Variants in SLMAP observed in about 807,000 individuals in gnomAD.
The protein encoded by SLMAP is sarcolemmal membrane-associated protein.
A neutral mutation model predicts 128.8 loss-of-function variants in SLMAP; 44 were observed. The ratio of observed to expected loss-of-function variants is 0.34; its 90% CI spans 0.27 to 0.44. The LOEUF is 0.44. Ranked by LOEUF, SLMAP falls within the 20% of genes least tolerant of loss-of-function variation. SLMAP has a pLI of 1.00. For synonymous variants in SLMAP, 327 were observed against 348.8 expected (o/e 0.94, Z 0.70); for missense variants, 787 against 985.3 (o/e 0.80, Z 2.69).
At chr3:57,906,300 C>CTTTTTTTTTTTTTTTTT (rs112949836) in intron 17 of SLMAP, among the ~76,000 whole-genome samples, 5 of 71,266 alleles carry the variant, frequency 7.0e-5, no homozygotes, top group Admixed American at 1.9e-4. Flanking sequence ...AAATTTTTTT[C>CTTTTTTTTTTTTTTTTT]TTTTTTTTTC....
intron 6 of SLMAP, among the ~76,000 whole-genome samples, chr3:57,853,858 T>C (rs1162728289): frequency 6.8e-6 from 1 of 148,058 alleles, no homozygotes; most frequent in Non-Finnish European, 1.5e-5. Context: ...GGAGAATGAC[T>C]TGGACCCAGG....
At chr3:57,886,508 T>G (rs2095891102) in intron 14 of SLMAP, among the ~76,000 whole-genome samples, 1 of 151,854 alleles carries the variant, frequency 6.6e-6, no homozygotes, top group Non-Finnish European at 1.5e-5. Flanking sequence ...GATACCAGAT[T>G]TTTAAAAACT....
rs557052051 is a variant in SLMAP, at chr3:57,786,894, T to C, written c.198+29045T>C. 7.9e-4 allele frequency among the ~76,000 whole-genome samples: 120 copies of C among 152,110 alleles called. 1 individual carries two copies. The highest frequency in any genetic ancestry group is 2.7e-3 in the African/African-American group (113 of 41,488). ...GACTACAGGCGCCTGCCATCACGCC[T>C]GGCTAATTTTTTGTATTTTTTTAAG... On this transcript the variant is annotated intron_variant, in intron 2 of 24. Coordinates refer to ENST00000671191, the MANE Select transcript of SLMAP (RefSeq NM_001377540.1).
rs1437503695 is a variant in SLMAP at position 57,929,917 on chromosome 3, G to A, written c.*2628G>A. 6.6e-6 allele frequency among the ~76,000 whole-genome samples: 1 copy of A among 152,194 alleles called. No homozygotes were observed. The highest frequency in any genetic ancestry group is 1.5e-5 in the Non-Finnish European group (1 of 68,030). On this transcript the variant is annotated 3_prime_UTR_variant, in exon 25 of 25. Transcript: ENST00000671191. ...GTGGTGAATACGTTTTTATGAGAAT[G>A]TCATACTGAAAAAATATTGCAAATA...
chr3:57,791,890 C>T (rs1230724937), intron 2 of SLMAP, among the ~76,000 whole-genome samples: 1 of 151,916 alleles, frequency 6.6e-6, no homozygotes, highest in Non-Finnish European at 1.5e-5. Flanking sequence ...GATGAAAAAA[C>T]AGTACTTAAC....
chr3:57,890,207 C>A (rs2096022675), intron 15 of SLMAP, 107 bp downstream of exon 15: 1 of 995,798 alleles, frequency 1.0e-6, no homozygotes, highest in Non-Finnish European at 1.5e-6. Context: ...CTTCTTATAG[C>A]TCACAAAATA....
chr3:57,862,767 A>G (rs1323929606), intron 10 of SLMAP, among the ~76,000 whole-genome samples: 1 of 152,192 alleles, frequency 6.6e-6, no homozygotes, highest in African/African-American at 2.4e-5. Flanking sequence ...TGTAGGTGGT[A>G]CTACATATTA....
At chr3:57,757,999 G>C in intron 2 of SLMAP, 150 bp downstream of exon 2, 2 of 671,186 alleles carry the variant, frequency 3.0e-6, no homozygotes, top group Non-Finnish European at 5.1e-6. Context: ...TGTGTGCCTG[G>C]TTCTAGTGGA....
chr3:57,875,220 T>G lies in SLMAP; in HGVS notation c.1300+3522T>G, dbSNP rs79132377. On this transcript the variant is annotated intron_variant, in intron 14 of 24. Transcript: ENST00000671191. ...AAATCCCATTTTTGTGTACAAAGGGTGGACCAAAGAACAGCGAAAAAAACC... is the reference window on the plus strand; with the variant it reads ...AAATCCCATTTTTGTGTACAAAGGGGGGACCAAAGAACAGCGAAAAAAACC... Among the ~76,000 whole-genome samples, 490 of 151,966 alleles carry G rather than the reference T, an allele frequency of 3.2e-3. 3 individuals carry two copies. The highest frequency in any genetic ancestry group is 0.011 in the African/African-American group (468 of 41,436).
intron 8 of SLMAP, among the ~76,000 whole-genome samples, chr3:57,858,815 G>T (rs1286889154): frequency 1.3e-5 from 2 of 152,048 alleles, no homozygotes; most frequent in Non-Finnish European, 1.5e-5. Flanking sequence ...GGTGGCACAT[G>T]CCTGTAATCC....
rs2094650318 is a variant in SLMAP, at chr3:57,854,088, TA to T, written c.520-3642del. Among the ~76,000 whole-genome samples, 5 of 143,182 alleles carry T rather than the reference TA, an allele frequency of 3.5e-5. No homozygotes were observed. The South Asian group carries it at 1.1e-3, about 31-fold the overall frequency. 93.9% of individuals were successfully genotyped at this position (143,182 alleles called of 152,430 possible). On this transcript the variant is annotated intron_variant, in intron 6 of 24. Transcript: ENST00000671191. ...ACACATTATATATATATATTATGTGTAAATATATATGTATCTTTGGATATAT... is the reference window on the plus strand; with the variant it reads ...ACACATTATATATATATATTATGTGTAATATATATGTATCTTTGGATATAT...
chr3:57,844,038 C>A (rs1337948359), intron 4 of SLMAP, among the ~76,000 whole-genome samples: 2 of 151,612 alleles, frequency 1.3e-5, no homozygotes, highest in African/African-American at 4.8e-5. Flanking sequence ...CCTCAGCCTC[C>A]CAAAGTGCTG....
In SLMAP at chr3:57,800,876, G is replaced by A. The variant is rs186041585; in HGVS notation, c.199-30507G>A. On this transcript the variant is annotated intron_variant, in intron 2 of 24. Coordinates refer to ENST00000671191, the MANE Select transcript of SLMAP (RefSeq NM_001377540.1). ...AAGTCATTCAGACCTCATCTTTTCC[G>A]TTATACTCACAGGCCAAGCCAATAC... 428 of 188,572 alleles carry A rather than the reference G, an allele frequency of 2.3e-3. 6 individuals are homozygous for A. Among genetic ancestry groups the A allele is most frequent in the South Asian group, 0.016 (173 of 10,746 alleles). The allele number at this position is 188,572 out of a possible 1,614,324, so 11.7% of individuals were successfully genotyped here.
rs190769315 is a variant in SLMAP, at chr3:57,831,481, C to G, written c.297C>G (p.Ser99=). ...SEESPPCEIL[S]GDIIQFGVDV... is the part of the protein sequence containing the mutation. ...AAAGTCCACCATGTGAAATTCTTTC[C>G]GGTGACATTATCCAGTTTGGAGTAG... Residue 99 remains serine, a synonymous_variant, in exon 3 of 25, where the codon TCC becomes TCG. Coordinates refer to ENST00000671191, the MANE Select transcript of SLMAP (RefSeq NM_001377540.1). The G allele has an allele frequency of 1.3e-6, 2 of 1,594,022 alleles. No homozygotes were observed. The highest frequency in any genetic ancestry group is 2.3e-5 in the South Asian group (2 of 87,802).
In SLMAP at chr3:57,906,098, C is replaced by T. The variant is rs1198686553; in HGVS notation, c.1502-1786C>T. ...AGCATTATCCTATATAATGACAAAT[C>T]CAGAAACAGGGGCCAGGACCTTTGC... On this transcript the variant is annotated intron_variant, in intron 17 of 24. Coordinates refer to ENST00000671191, the MANE Select transcript of SLMAP (RefSeq NM_001377540.1). 3.4e-5 allele frequency among the ~76,000 whole-genome samples: 5 copies of T among 147,384 alleles called. No homozygotes were observed. The South Asian group carries it at 8.8e-4, about 26-fold the overall frequency.
At chr3:57,909,196 T>C in intron 19 of SLMAP, 46 bp downstream of exon 19, 5 of 1,392,276 alleles carry the variant, frequency 3.6e-6, no homozygotes, top group Non-Finnish European at 5.0e-6. Context: ...TGTGTGTTTG[T>C]TTTTAGTGAT....
chr3:57,892,338 A>T (rs2096100144), intron 15 of SLMAP, among the ~76,000 whole-genome samples: 1 of 152,176 alleles, frequency 6.6e-6, no homozygotes, highest in South Asian at 2.1e-4. Flanking sequence ...TACCTCTAGA[A>T]GATGTATCAC....
At chr3:57,776,864 G>A (rs886456605) in intron 2 of SLMAP, among the ~76,000 whole-genome samples, 1 of 151,942 alleles carries the variant, frequency 6.6e-6, no homozygotes, top group African/African-American at 2.4e-5. Flanking sequence ...CTTTGATCAT[G>A]TTTAACACTT....
intron 2 of SLMAP, among the ~76,000 whole-genome samples, chr3:57,806,039 G>GTT (rs572902738): frequency 2.8e-5 from 4 of 144,170 alleles, no homozygotes; most frequent in African/African-American, 1.0e-4. Context: ...TGTTTGTTTT[G>GTT]TTTTTTTTTT....
Sources: allele counts gnomAD v4.1 joint callset (sites outside exome capture counted in the v4.1 genomes callset), GRCh38; gene constraint gnomAD v4.1.1; transcripts MANE v1.5; gene names NCBI Gene and HGNC (gene_info 2026-07-23, HGNC 2026-07-21).